The following CACNA1H variants were observed in gnomAD, a reference collection of about 807,000 sequenced individuals.
CACNA1H encodes calcium voltage-gated channel subunit alpha1 H.
Under a neutral mutation model 192.5 loss-of-function variants are expected in CACNA1H, and 149 were observed. The observed-to-expected ratio is 0.77, with a 90% CI of 0.68 to 0.89. CACNA1H has a LOEUF of 0.89. Ranked by LOEUF, CACNA1H falls within the 40% of genes least tolerant of loss-of-function variation. The probability of loss-of-function intolerance (pLI) is 0.00; values close to 1 mark genes in which losing one functional copy is unlikely to be tolerated. For missense variants in CACNA1H, 4,257 were observed against 3,423.5 expected (o/e 1.24, Z -6.08); for synonymous variants, 2,202 against 1,475.2 (o/e 1.49, Z -11.29).
intron 2 of CACNA1H, among the ~76,000 whole-genome samples, chr16:1,163,563 C>A (rs1465886195): frequency 6.6e-6 from 1 of 152,234 alleles, no homozygotes; most frequent in Non-Finnish European, 1.5e-5. Context: ...TCTCTCAGGG[C>A]CACACACACG....
rs534994447 is a variant in CACNA1H, at chr16:1,154,852, C to G, written c.299+816C>G. On this transcript the variant is annotated intron_variant, in intron 2 of 34. Transcript: ENST00000348261. ...CACGGAGGTCCAGGGGGCCCCCCAG[C>G]AGGTGGCCTTGGGGGCGGGTCTCCG... Among the ~76,000 whole-genome samples the G allele has an allele frequency of 4.6e-5, 7 of 152,308 alleles. No individual in the cohort carries two copies. The South Asian group carries it at 1.5e-3, about 32-fold the overall frequency.
intron 2 of CACNA1H, among the ~76,000 whole-genome samples, chr16:1,182,788 C>G (rs1462125960): frequency 6.6e-6 from 1 of 152,214 alleles, no homozygotes; most frequent in East Asian, 1.9e-4. Context: ...GTCACTGTGG[C>G]GGGGACCCCC....
At position 1,153,604 on chromosome 16, in the gene CACNA1H, C is replaced by T. The variant is rs200809473; in HGVS notation, c.-18-116C>T. On this transcript the variant is annotated intron_variant, in intron 1 of 34. Transcript: ENST00000348261. ...GCGGGGGCGGGGGGCGCGTTTGTCT[C>T]TAATAAGAAAAGACAAAGACATCCC... 6.5e-5 allele frequency: 37 copies of T among 572,520 alleles called. No individual in the cohort carries two copies. In the East Asian group the frequency reaches 1.7e-3, roughly 26 times the overall value. 35.5% of individuals were successfully genotyped at this position (572,520 alleles called of 1,614,324 possible).
rs769679187 is a variant in CACNA1H, at chr16:1,218,345, A to G, written c.5581A>G (p.Lys1861Glu). The change falls in exon 33 of 35, where the codon AAG becomes GAG. Residue 1861 changes from lysine (K) to glutamate (E), a missense_variant. Transcript: ENST00000348261. ...GAACGTGGTGGTGGCCGTGCTCATG[A>G]AGCACCTGGAGGAGAGCAACAAGGA... Reference protein sequence around the residue: ...LVNVVVAVLMKHLEESNKEAR... With the variant: ...LVNVVVAVLMEHLEESNKEAR... The G allele has an allele frequency of 1.3e-6, 2 of 1,561,790 alleles. No homozygotes were observed. The highest frequency in any genetic ancestry group is 2.4e-5 in the East Asian group (1 of 41,654).
Position 1,202,193 on chromosome 16 carries a change from C to T in CACNA1H, c.1743C>T (p.His581=), listed in dbSNP as rs1469696282. The part of the protein sequence containing the change: ...SVHSIYHADC[H]IEGPQERARV... ...ACAGCATCTACCATGCCGACTGCCA[C>T]ATAGAGGGGCCGCAGGAGAGGGCCC... The change falls in exon 9 of 35, where the codon CAC becomes CAT. Residue 581 remains histidine, a synonymous_variant. Coordinates refer to ENST00000348261, the MANE Select transcript of CACNA1H (RefSeq NM_021098.3). 1.9e-6 allele frequency: 3 copies of T among 1,553,000 alleles called. No individual in the cohort carries two copies. Among genetic ancestry groups the T allele is most frequent in the African/African-American group, 1.4e-5 (1 of 73,138 alleles).
At position 1,210,423 on chromosome 16, in the gene CACNA1H, T is replaced by A; in HGVS notation, c.3899T>A (p.Val1300Asp). 1 of 1,509,450 alleles carries A rather than the reference T, an allele frequency of 6.6e-7. No individual in the cohort carries two copies. The highest frequency in any genetic ancestry group is 8.9e-7 in the Non-Finnish European group (1 of 1,119,096). The allele number at this position is 1,509,450 out of a possible 1,614,324, so 93.5% of individuals were successfully genotyped here. A position where few individuals can be genotyped will look rare whatever the true frequency, so the allele number is the denominator to read the frequency against. ...ACACACAAGATGTTTGATCACGTGG[T>A]CCTCGTCTTCATCTTCCTCAACTGC... ...VITHKMFDHV[V>D]LVFIFLNCVT... Residue 1300 changes from valine (V) to aspartate (D), a missense_variant, in exon 19 of 35, where the codon GTC becomes GAC. By Grantham distance (152) the Val-to-Asp change is radical. Transcript: ENST00000348261.
chr16:1,200,971 G>A (rs531513926), intron 8 of CACNA1H, among the ~76,000 whole-genome samples, 163 bp downstream of exon 8: 1 of 152,190 alleles, frequency 6.6e-6, no homozygotes, highest in African/African-American at 2.4e-5. Flanking sequence ...GGTGTGGCTG[G>A]GGACCCCAAG....
chr16:1,171,330 G>A (rs183130132), intron 2 of CACNA1H, among the ~76,000 whole-genome samples: 1 of 152,170 alleles, frequency 6.6e-6, no homozygotes, highest in African/African-American at 2.4e-5. Context: ...GCAGCCCAGG[G>A]GGGTAAGAGG....
At chr16:1,154,410 C>G (rs997514882) in intron 2 of CACNA1H, among the ~76,000 whole-genome samples, 2 of 152,128 alleles carry the variant, frequency 1.3e-5, no homozygotes, top group Non-Finnish European at 2.9e-5. Flanking sequence ...GCCCACCCCT[C>G]ACTGTCTGAA....
At position 1,197,389 on chromosome 16, in the gene CACNA1H, C is replaced by T. The variant is rs575290906; in HGVS notation, c.644-1226C>T. On this transcript the variant is annotated intron_variant, in intron 5 of 34. Coordinates refer to ENST00000348261, the MANE Select transcript of CACNA1H (RefSeq NM_021098.3). ...CCTGTTGAAGCGTGAAGCAACCCAG[C>T]ACACACAGCCCCTTCCTTCCATGGA... 7.9e-5 allele frequency among the ~76,000 whole-genome samples: 12 copies of T among 152,350 alleles called. No individual in the cohort carries two copies. The South Asian group carries it at 2.3e-3, about 29-fold the overall frequency.
In CACNA1H at chr16:1,209,038, C is replaced by T; in HGVS notation, c.3370C>T (p.Leu1124Phe). 1 of 1,512,956 alleles carries T rather than the reference C, an allele frequency of 6.6e-7. No individual in the cohort carries two copies. The highest frequency in any genetic ancestry group is 8.8e-7 in the Non-Finnish European group (1 of 1,137,706). 93.7% of individuals were successfully genotyped at this position (1,512,956 alleles called of 1,614,324 possible). A position where few individuals can be genotyped will look rare whatever the true frequency, so the allele number is the denominator to read the frequency against. The stretch of plus-strand genomic sequence containing the variant: ...GACTCCCGCCACCCCCCAGGCCAGC[C>T]TCCGAAGTTCTCCCTGTGCCCCCTG... ...PLGDQKPPAS[L>F]RSSPCAPWGP... The change falls in exon 17 of 35, where the codon CTC becomes TTC. Residue 1124 changes from leucine (L) to phenylalanine (F), a missense_variant. Coordinates refer to ENST00000348261, the MANE Select transcript of CACNA1H (RefSeq NM_021098.3).
chr16:1,164,526 G>A (rs891800564), intron 2 of CACNA1H, among the ~76,000 whole-genome samples: 1 of 152,182 alleles, frequency 6.6e-6, no homozygotes, highest in African/African-American at 2.4e-5. Flanking sequence ...CCTGATAACT[G>A]AGATGGCTGC....
intron 2 of CACNA1H, among the ~76,000 whole-genome samples, chr16:1,193,780 TTGG>T (rs1453359569): frequency 6.6e-6 from 1 of 151,968 alleles, no homozygotes; most frequent in Admixed American, 6.5e-5. Flanking sequence ...GGGCCCTGGC[TTGG>T]TGGGAGGGAG....
chr16:1,215,254 G>A lies in CACNA1H; in HGVS notation c.5052G>A (p.Leu1684=), dbSNP rs374459574. ...TCCGGCCACACAGGTGGAACCAGCT[G>A]GACCTGGCCATCGTGCTGCTGTCAC... The part of the protein sequence containing the change: ...RRFFKDRWNQ[L]DLAIVLLSLM... Residue 1684 remains leucine, a synonymous_variant, in exon 29 of 35, where the codon CTG becomes CTA. Transcript: ENST00000348261. The A allele has an allele frequency of 2.7e-5, 44 of 1,604,558 alleles. No individual in the cohort carries two copies. Among genetic ancestry groups the A allele is most frequent in the Non-Finnish European group, 3.6e-5 (42 of 1,175,658 alleles).
rs375086726 is a variant in CACNA1H at position 1,212,503 on chromosome 16, C to G, written c.4760-8C>G. 2 of 1,610,938 alleles carry G rather than the reference C, an allele frequency of 1.2e-6. No individual in the cohort carries two copies. Among genetic ancestry groups the G allele is most frequent in the Admixed American group, 3.3e-5 (2 of 59,862 alleles). On this transcript the variant is annotated splice_region_variant and splice_polypyrimidine_tract_variant and intron_variant, in intron 25 of 34. Coordinates refer to ENST00000348261, the MANE Select transcript of CACNA1H (RefSeq NM_021098.3). ...CTCGGCCCTCAGACCATCTCCTTGT[C>G]TTTCCAGGCACTTTCCCCAGCCCAG...
rs1967978064 is a variant in CACNA1H, at chr16:1,201,935, G to C, written c.1485G>C (p.Val495=). The C allele has an allele frequency of 6.5e-7, 1 of 1,549,192 alleles. No homozygotes were observed. The highest frequency in any genetic ancestry group is 2.0e-5 in the Admixed American group (1 of 50,980). Residue 495 remains valine, a synonymous_variant, in exon 9 of 35, where the codon GTG becomes GTC. Coordinates refer to ENST00000348261, the MANE Select transcript of CACNA1H (RefSeq NM_021098.3). ...GCAAGAAGGTGGACCCCAGTGCTGT[G>C]CAAGGCCAGGGTCCCGGGCACCGCC... ...RWRKKVDPSA[V]QGQGPGHRQR...
intron 9 of CACNA1H, among the ~76,000 whole-genome samples, 180 bp from the exon 10 acceptor site, chr16:1,203,830 A>G (rs1446840703): frequency 2.6e-5 from 4 of 152,156 alleles, no homozygotes; most frequent in Admixed American, 2.6e-4. Flanking sequence ...ATTGTAACCC[A>G]TGACACCTGC....
chr16:1,155,696 C>T (rs866778299), intron 2 of CACNA1H, among the ~76,000 whole-genome samples: 3 of 152,166 alleles, frequency 2.0e-5, no homozygotes, highest in East Asian at 1.9e-4. Context: ...TGTCCTGTCC[C>T]CTCTCGGCTG....
intron 20 of CACNA1H, 48 bp downstream of exon 20, chr16:1,210,699 C>T: frequency 1.3e-6 from 2 of 1,583,034 alleles, no homozygotes; most frequent in Non-Finnish European, 1.7e-6. Flanking sequence ...CCCCGTTCTG[C>T]CCTCATCCCC....
Sources: gnomAD v4.1 joint callset for allele counts (sites outside exome capture counted in the v4.1 genomes callset) on GRCh38, gnomAD v4.1.1 for gene constraint, MANE v1.5 for transcripts, NCBI Gene and HGNC (gene_info 2026-07-23, HGNC 2026-07-21) for gene names.